MYH10: variants seen among roughly 807,000 people sequenced by gnomAD.
MYH10 encodes myosin heavy chain 10, also known as myosin-10.
In MYH10, 55 loss-of-function variants were observed where a neutral mutation model predicts 257.8. The ratio of observed to expected loss-of-function variants is 0.21; its 90% confidence interval spans 0.17 to 0.27. The LOEUF (loss-of-function observed/expected upper bound fraction) is 0.27. Among genes scored for constraint, MYH10 ranks in the 10% least tolerant of loss-of-function variants. MYH10 has a pLI of 1.00. For missense variants in MYH10, 1,631 were observed against 2,500.6 expected, an observed-to-expected ratio of 0.65 and a Z score of 7.42; for synonymous variants, 854 against 921.7, an observed-to-expected ratio of 0.93 and a Z score of 1.33.
chr17:8,545,746 A>G lies in MYH10; in HGVS notation c.1279-146T>C, dbSNP rs1022292981. ...AATCATGTCTCAATTTTACACATCA[A>G]TAGAAGGCAATATTAGAAGAATTAA... is the stretch of plus-strand genomic sequence containing the variant. On this transcript the variant is annotated intron_variant, in intron 12 of 42. Coordinates refer to ENST00000360416, the MANE Select transcript of MYH10 (RefSeq NM_001256012.3). This position sits in a 1 kb window ranked among gnomAD's most constrained non-coding sequence, Gnocchi z 4.7. The G allele has an allele frequency of 2.1e-5, 15 of 728,660 alleles. No individual in the cohort carries two copies. Among genetic ancestry groups the G allele is most frequent in the African/African-American group, 2.0e-4 (11 of 56,112 alleles). The allele number at this position is 728,660 out of a possible 1,614,324, so 45.1% of individuals were successfully genotyped here.
chr17:8,520,905 C>T lies in MYH10; in HGVS notation c.2246G>A (p.Arg749Gln), dbSNP rs747662974. 2.5e-6 allele frequency: 4 copies of T among 1,612,586 alleles called. No individual in the cohort carries two copies. The highest frequency in any genetic ancestry group is 2.2e-5 in the East Asian group (1 of 44,878). Reference sequence around the variant, plus strand: ...CTGTCTGAATTCCTGGAAAACTATTCGGTTAGGGAAGCCCTGGCGACAGAT... The same window carrying T: ...CTGTCTGAATTCCTGGAAAACTATTTGGTTAGGGAAGCCCTGGCGACAGAT... ...IRICRQGFPN[R>Q]IVFQEFRQRY... is the part of the protein sequence containing the mutation. The change falls in exon 19 of 43, where the codon CGA becomes CAA. Residue 749 changes from arginine (R) to glutamine (Q), a missense_variant. Coordinates refer to ENST00000360416, the MANE Select transcript of MYH10 (RefSeq NM_001256012.3).
In MYH10 at chr17:8,490,530, T is replaced by C. The variant is rs1413771243; in HGVS notation, c.4694A>G (p.Lys1565Arg). The C allele has an allele frequency of 1.2e-6, 2 of 1,614,006 alleles. No individual in the cohort carries two copies. The highest frequency in any genetic ancestry group is 4.5e-5 in the East Asian group (2 of 44,900). The stretch of plus-strand genomic sequence containing the variant: ...CTCCACCTGCTGCTCTAGGGCCCGT[T>C]TGGATTTTTCAAGTTCGTGAACCTA... ...GKNVHELEKSKRALEQQVEEM... is the reference protein window; with the variant it reads ...GKNVHELEKSRRALEQQVEEM... Residue 1565 changes from lysine (K) to arginine (R), a missense_variant, in exon 35 of 43, where the codon AAA (lysine) becomes AGA (arginine). Physicochemically the swap from Lys to Arg is conservative, Grantham distance 26. Around this residue, in one of 11 missense-constraint regions of MYH10, gnomAD observed 463 missense variants for 621.8 expected, o/e 0.74. Transcript: ENST00000360416. This position sits in a 1 kb window ranked among gnomAD's most constrained non-coding sequence, Gnocchi z 4.1.
chr17:8,576,271 G>A (rs985905489), intron 6 of MYH10, among the ~76,000 whole-genome samples: 2 of 152,080 alleles, frequency 1.3e-5, no homozygotes, highest in Non-Finnish European at 2.9e-5. Flanking sequence ...ATTTTTAAAG[G>A]GGCAGCCCCA....
At chr17:8,585,288 G>GTATATATA (rs71159599) in intron 4 of MYH10, among the ~76,000 whole-genome samples, 1,481 of 99,354 alleles carry the variant, frequency 0.015, 53 homozygotes, top group African/African-American at 0.02. Context: ...GTGTGTGTGT[G>GTATATATA]TATATATATA....
chr17:8,514,525 C>A (rs1370995874), intron 21 of MYH10, among the ~76,000 whole-genome samples: 4 of 152,112 alleles, frequency 2.6e-5, no homozygotes, highest in Non-Finnish European at 5.9e-5. Flanking sequence ...ACCCTGTCAC[C>A]TCCTCAGCCC....
intron 3 of MYH10, among the ~76,000 whole-genome samples, chr17:8,596,864 A>G (rs1460060085): frequency 6.6e-6 from 1 of 152,216 alleles, no homozygotes; most frequent in African/African-American, 2.4e-5. Context: ...CCTCTATCCA[A>G]AAATTTTAAC....
chr17:8,561,723 C>T (rs533616010), intron 7 of MYH10: 196 of 601,070 alleles, frequency 3.3e-4, no homozygotes, highest in Non-Finnish European at 5.1e-4. Context: ...GACATGTGGT[C>T]ACTTACTTAG....
intron 2 of MYH10, among the ~76,000 whole-genome samples, chr17:8,610,656 G>T (rs2085005262): frequency 6.6e-6 from 1 of 152,116 alleles, no homozygotes; most frequent in African/African-American, 2.4e-5. Flanking sequence ...AGGGCTTGTG[G>T]CTATAAATTC....
Position 8,480,321 on chromosome 17 carries a change from A to G in MYH10, c.5389-3T>C. 6.2e-7 allele frequency: 1 copy of G among 1,613,736 alleles called. No homozygotes were observed. Among genetic ancestry groups the G allele is most frequent in the Non-Finnish European group, 8.5e-7 (1 of 1,179,792 alleles). ...AGCTCGGCGTTCAGTGTGTCCACCT[A>G]GAGAGGAGAGAGGAGTTTAGTCACT... On this transcript the variant is annotated splice_region_variant and splice_polypyrimidine_tract_variant and intron_variant, in intron 39 of 42. Coordinates refer to ENST00000360416, the MANE Select transcript of MYH10 (RefSeq NM_001256012.3).
intron 5 of MYH10, 92 bp downstream of exon 5, chr17:8,577,144 A>G: frequency 1.1e-6 from 1 of 929,142 alleles, no homozygotes; most frequent in Non-Finnish European, 1.7e-6. Context: ...TGTCAGTTAT[A>G]GCAGTGTGGA....
chr17:8,511,612 T>G (rs1363325613), intron 24 of MYH10, among the ~76,000 whole-genome samples: 1 of 152,220 alleles, frequency 6.6e-6, no homozygotes, highest in Non-Finnish European at 1.5e-5. Context: ...TAAGGAAATG[T>G]TCAAGAGTAA....
At chr17:8,618,232 CATG>C (rs1264956544) in intron 2 of MYH10, among the ~76,000 whole-genome samples, 1 of 150,520 alleles carries the variant, frequency 6.6e-6, no homozygotes, top group East Asian at 1.9e-4. Flanking sequence ...TAAAACTTAA[CATG>C]ATAATTTCCT....
At chr17:8,599,804 G>C (rs1390606198) in intron 3 of MYH10, among the ~76,000 whole-genome samples, 1 of 152,244 alleles carries the variant, frequency 6.6e-6, no homozygotes, top group African/African-American at 2.4e-5. Flanking sequence ...AGATTCTTAA[G>C]AAGGTTAAGA....
At chr17:8,564,021 T>G (rs2083084238) in intron 7 of MYH10, among the ~76,000 whole-genome samples, 1 of 152,216 alleles carries the variant, frequency 6.6e-6, no homozygotes, top group East Asian at 1.9e-4. Flanking sequence ...AACAATCATT[T>G]TGAAATTGAA....
chr17:8,587,412 C>G (rs1367784938), intron 4 of MYH10, among the ~76,000 whole-genome samples: 2 of 152,198 alleles, frequency 1.3e-5, no homozygotes, highest in Non-Finnish European at 2.9e-5. Flanking sequence ...TAACTCTCAT[C>G]TCCTCAAACC....
At chr17:8,622,876 C>A in intron 2 of MYH10, 26 bp downstream of exon 2, 2 of 1,605,684 alleles carry the variant, frequency 1.2e-6, no homozygotes, top group South Asian at 2.2e-5. Flanking sequence ...TACCACTTCA[C>A]ATGATTATTT....
intron 19 of MYH10, among the ~76,000 whole-genome samples, chr17:8,520,366 C>T (rs1008954478): frequency 2.0e-5 from 3 of 152,062 alleles, no homozygotes; most frequent in African/African-American, 7.2e-5. Flanking sequence ...CATGGTGGCA[C>T]GTGCCTGTAG....
chr17:8,613,822 A>G (rs1220934857), intron 2 of MYH10, among the ~76,000 whole-genome samples: 3 of 152,206 alleles, frequency 2.0e-5, no homozygotes, highest in African/African-American at 4.8e-5. Context: ...TATGAGAGAC[A>G]TATTTTAAAG....
chr17:8,549,293 C>A (rs1189126280), intron 9 of MYH10, among the ~76,000 whole-genome samples: 1 of 152,170 alleles, frequency 6.6e-6, no homozygotes, highest in Non-Finnish European at 1.5e-5. Context: ...CAGCAAAGGC[C>A]CTGAAACACT....
Sources: allele counts gnomAD v4.1 joint callset (sites outside exome capture counted in the v4.1 genomes callset), GRCh38; gene constraint gnomAD v4.1.1; regional missense constraint gnomAD v4.1.1; non-coding constraint Gnocchi (gnomAD v3.1); transcripts MANE v1.5; gene names NCBI Gene and HGNC (gene_info 2026-07-23, HGNC 2026-07-21).